Variants in PCDHGB3 observed in about 807,000 individuals in gnomAD.
PCDHGB3 encodes protocadherin gamma-B3.
A neutral mutation model predicts 59.2 loss-of-function variants in PCDHGB3; 40 were observed. The ratio of observed to expected loss-of-function variants is 0.68; its 90% CI spans 0.52 to 0.88. PCDHGB3 has a LOEUF of 0.88. PCDHGB3 is among the 40% of genes least tolerant of loss of function. PCDHGB3 has a pLI of 0.00. For missense variants in PCDHGB3, 1,309 were observed against 1,187.9 expected, an observed-to-expected ratio of 1.10 and a Z score of -1.50; for synonymous variants, 581 against 503.6, an observed-to-expected ratio of 1.15 and a Z score of -2.06.
Position 141,486,515 on chromosome 5 carries a change from G to A in PCDHGB3, c.2416-8292G>A. ...AACTATTTTCCTCAATATTTCAGAT[G>A]TGAATGATAATCCACCCTCTTTCTT... On this transcript the variant is annotated intron_variant, in intron 1 of 3. Transcript: ENST00000576222. This position sits in a 1 kb window ranked among gnomAD's most constrained non-coding sequence, Gnocchi z 5.0. 1 of 1,614,172 alleles carries A rather than the reference G, an allele frequency of 6.2e-7. No individual in the cohort carries two copies. The highest frequency in any genetic ancestry group is 8.5e-7 in the Non-Finnish European group (1 of 1,180,026).
intron 1 of PCDHGB3, chr5:141,404,996 G>C (rs776423830): frequency 6.2e-7 from 1 of 1,613,974 alleles, no homozygotes; most frequent in South Asian, 1.1e-5. Context: ...TCAGATCCCT[G>C]CAGACCTGGA....
At chr5:141,426,657 A>G (rs1369635444) in intron 1 of PCDHGB3, 2 of 425,278 alleles carry the variant, frequency 4.7e-6, no homozygotes, top group Non-Finnish European at 9.7e-6. Flanking sequence ...GATAGAAGAT[A>G]TAAATGATAA....
chr5:141,475,990 A>T, intron 1 of PCDHGB3: 1 of 1,140,672 alleles, frequency 8.8e-7, no homozygotes, highest in Non-Finnish European at 1.2e-6. Context: ...CGGCGAGCAA[A>T]TCAACGGCAT....
chr5:141,414,828 G>T (rs780047810), intron 1 of PCDHGB3: 1 of 1,614,210 alleles, frequency 6.2e-7, no homozygotes, highest in East Asian at 2.2e-5. Context: ...GCAACGTGTC[G>T]TTGAGCCTGT....
At chr5:141,401,102 G>C (rs1372226488) in intron 1 of PCDHGB3, among the ~76,000 whole-genome samples, 3 of 152,150 alleles carry the variant, frequency 2.0e-5, no homozygotes, top group Non-Finnish European at 4.4e-5. Context: ...CCAGCACTTT[G>C]GGAGGCCGAG....
intron 1 of PCDHGB3, among the ~76,000 whole-genome samples, chr5:141,473,298 A>G (rs1033516450): frequency 1.3e-5 from 2 of 152,244 alleles, no homozygotes; most frequent in Non-Finnish European, 2.9e-5. Context: ...AGTAGCATAA[A>G]GATTGCTATA....
At position 141,477,626 on chromosome 5, in the gene PCDHGB3, G is replaced by A. The variant is rs201987467; in HGVS notation, c.2416-17181G>A. The A allele has an allele frequency of 1.9e-5, 31 of 1,614,052 alleles. No individual in the cohort carries two copies. The highest frequency in any genetic ancestry group is 2.5e-5 in the Non-Finnish European group (30 of 1,180,044). Reference sequence around the variant, plus strand: ...TCTCTTGGAGCAAGGAGCTGAAACCGGGCTAGTGGGTCGCTATTTCACAAT... The same window carrying A: ...TCTCTTGGAGCAAGGAGCTGAAACCAGGCTAGTGGGTCGCTATTTCACAAT... On this transcript the variant is annotated intron_variant, in intron 1 of 3. Transcript: ENST00000576222. This position sits in a 1 kb window ranked among gnomAD's most constrained non-coding sequence, Gnocchi z 4.9.
Position 141,371,736 on chromosome 5 carries a change from A to T in PCDHGB3, c.1342A>T (p.Asn448Tyr), listed in dbSNP as rs777064173. The change falls in exon 1 of 4, where the codon AAC becomes TAC. Residue 448 changes from asparagine to tyrosine, a missense_variant. Transcript: ENST00000576222. Reference sequence around the variant, plus strand: ...TCTGCACATCCTTGATGTCAACGACAACGTTCCCGTTTTCCACCAGGCCTC... The same window carrying T: ...TCTGCACATCCTTGATGTCAACGACTACGTTCCCGTTTTCCACCAGGCCTC... Reference protein sequence around the residue: ...ITLHILDVNDNVPVFHQASYT... With the variant: ...ITLHILDVNDYVPVFHQASYT... The T allele has an allele frequency of 2.5e-6, 4 of 1,614,042 alleles. No individual in the cohort carries two copies. Among genetic ancestry groups the T allele is most frequent in the Non-Finnish European group, 3.4e-6 (4 of 1,179,896 alleles).
chr5:141,501,331 A>ACC (rs906542724), intron 2 of PCDHGB3, among the ~76,000 whole-genome samples: 1 of 138,846 alleles, frequency 7.2e-6, no homozygotes, highest in Non-Finnish European at 1.6e-5. Flanking sequence ...ACACACACAC[A>ACC]CACCCCAAAC....
intron 1 of PCDHGB3, chr5:141,383,141 G>A (rs781049830): frequency 1.2e-6 from 2 of 1,614,134 alleles, no homozygotes; most frequent in Admixed American, 1.7e-5. Flanking sequence ...AACCAGCGCA[G>A]CGGCAGCTTG....
chr5:141,391,264 G>T (rs1427432631), intron 1 of PCDHGB3: 1 of 151,768 alleles, frequency 6.6e-6, no homozygotes, highest in Non-Finnish European at 1.5e-5. Context: ...TCAGTTAATG[G>T]CCACTTTACA....
Position 141,511,703 on chromosome 5 carries a change from T to G in PCDHGB3, c.*530T>G, listed in dbSNP as rs148447880. On this transcript the variant is annotated 3_prime_UTR_variant, in exon 4 of 4. Coordinates refer to ENST00000576222, the MANE Select transcript of PCDHGB3 (RefSeq NM_018924.5). ...AAAGCATGGTTTGGTGCCAGCCCCT[T>G]CACCTCCTTCCAGAGCCCAAGATCA... The G allele has an allele frequency of 1.1e-4, 21 of 189,942 alleles. No homozygotes were observed. In the East Asian group the frequency reaches 2.4e-3, roughly 22 times the overall value. 11.8% of individuals were successfully genotyped at this position (189,942 alleles called of 1,614,324 possible).
At chr5:141,495,492 G>C (rs1321150765) in intron 2 of PCDHGB3, among the ~76,000 whole-genome samples, 1 of 152,148 alleles carries the variant, frequency 6.6e-6, no homozygotes, top group Non-Finnish European at 1.5e-5. Flanking sequence ...CCTTTTTCTT[G>C]AGTTTCCGTC....
intron 1 of PCDHGB3, chr5:141,421,458 T>C (rs2096575080): frequency 6.2e-7 from 1 of 1,614,122 alleles, no homozygotes; most frequent in Non-Finnish European, 8.5e-7. Flanking sequence ...AGCTTTTCGC[T>C]GTGAATCCGC....
chr5:141,481,260 A>C (rs2099534771), intron 1 of PCDHGB3, among the ~76,000 whole-genome samples: 1 of 152,166 alleles, frequency 6.6e-6, no homozygotes, highest in Non-Finnish European at 1.5e-5. Context: ...CTAAAAGATC[A>C]CTGTAGGAAG....
chr5:141,477,087 C>T lies in PCDHGB3; in HGVS notation c.2416-17720C>T, dbSNP rs748424193. ...AAACTCCATGAGATTTACATCCAGG[C>T]CAAAGACAAGGGCGCCAATCCCGAA... On this transcript the variant is annotated intron_variant, in intron 1 of 3. Coordinates refer to ENST00000576222, the MANE Select transcript of PCDHGB3 (RefSeq NM_018924.5). The surrounding 1 kb of genome is among the most constrained non-coding windows in gnomAD (Gnocchi z 4.9). The T allele has an allele frequency of 1.2e-6, 2 of 1,614,244 alleles. No individual in the cohort carries two copies. Among genetic ancestry groups the T allele is most frequent in the Admixed American group, 3.3e-5 (2 of 60,032 alleles).
At chr5:141,428,019 G>C in intron 1 of PCDHGB3, 1 of 1,604,824 alleles carries the variant, frequency 6.2e-7, no homozygotes, top group Non-Finnish European at 8.5e-7. Flanking sequence ...AGTGCCACGC[G>C]CCGCAGAGTC....
intron 1 of PCDHGB3, chr5:141,382,843 C>T (rs1588925022): frequency 5.4e-6 from 8 of 1,471,852 alleles, no homozygotes; most frequent in East Asian, 2.3e-5. Flanking sequence ...CCCGGATACA[C>T]CCGCATTCTG....
intron 1 of PCDHGB3, chr5:141,399,077 G>A (rs1589355843): frequency 6.2e-7 from 1 of 1,613,830 alleles, no homozygotes; most frequent in Non-Finnish European, 8.5e-7. Context: ...GTTGTAGAAG[G>A]GAGGGATGGT....
Sources: allele counts gnomAD v4.1 joint callset (sites outside exome capture counted in the v4.1 genomes callset), GRCh38; gene constraint gnomAD v4.1.1; non-coding constraint Gnocchi (gnomAD v3.1); transcripts MANE v1.5; gene names NCBI Gene and HGNC (gene_info 2026-07-23, HGNC 2026-07-21).